PTPRN2: variants seen among roughly 807,000 people sequenced by gnomAD.
The protein encoded by PTPRN2 is receptor-type tyrosine-protein phosphatase N2.
PTPRN2 carries 74 observed loss-of-function variants against 118.8 expected under a neutral mutation model. The ratio of observed to expected loss-of-function variants is 0.62; its 90% confidence interval spans 0.52 to 0.76. The LOEUF (loss-of-function observed/expected upper bound fraction) is 0.76, where lower values mean the gene tolerates loss of function less well. Ranked by LOEUF, PTPRN2 falls within the 30% of genes least tolerant of loss-of-function variation. The pLI is 0.00. For missense variants in PTPRN2, 1,481 were observed against 1,394.4 expected (o/e 1.06, Z -0.99); for synonymous variants, 641 against 608.0 (o/e 1.05, Z -0.80).
rs563602930 is a variant in PTPRN2, at chr7:157,980,964, C to T, written c.1724-82227G>A. On this transcript the variant is annotated intron_variant, in intron 11 of 22. Transcript: ENST00000389418. ...AGTAGCCAGTTCCCACCAAACCCCG[C>T]CTCCCACACGGGCTCTGGGGACAGG... 3.9e-5 allele frequency among the ~76,000 whole-genome samples: 6 copies of T among 152,148 alleles called. 1 individual carries two copies. The East Asian group carries it at 9.7e-4, about 25-fold the overall frequency.
intron 2 of PTPRN2, among the ~76,000 whole-genome samples, chr7:158,351,724 A>G (rs1295967301): frequency 6.6e-6 from 1 of 152,058 alleles, no homozygotes. Context: ...TCACGGCCCC[A>G]CGGGAGGAGC....
chr7:158,412,708 G>A (rs1256549736), intron 2 of PTPRN2, among the ~76,000 whole-genome samples: 10 of 111,980 alleles, frequency 8.9e-5, no homozygotes, highest in Admixed American at 9.6e-5. Context: ...ACCCTCCTCA[G>A]CTCCAGGGCC....
chr7:158,380,407 C>A (rs10237056), intron 2 of PTPRN2, among the ~76,000 whole-genome samples: 5 of 152,160 alleles, frequency 3.3e-5, no homozygotes, highest in Non-Finnish European at 5.9e-5. Context: ...ACAGGCCCCA[C>A]GCAAGTCTGA....
chr7:157,953,914 T>G lies in PTPRN2; in HGVS notation c.1724-55177A>C, dbSNP rs949772930. On this transcript the variant is annotated intron_variant, in intron 11 of 22. Coordinates refer to ENST00000389418, the MANE Select transcript of PTPRN2 (RefSeq NM_002847.5). This position sits in a 1 kb window ranked among gnomAD's most constrained non-coding sequence, Gnocchi z 4.6. The stretch of plus-strand genomic sequence containing the variant: ...TTCTCTCCTTTCCCTCACCATGGAA[T>G]GCACAAACGCTTGAAGATGCATGTG... Among the ~76,000 whole-genome samples, 3 of 152,212 alleles carry G rather than the reference T, an allele frequency of 2.0e-5. No individual in the cohort carries two copies. Among genetic ancestry groups the G allele is most frequent in the Non-Finnish European group, 4.4e-5 (3 of 68,038 alleles).
At chr7:158,398,491 G>A (rs879327676) in intron 2 of PTPRN2, among the ~76,000 whole-genome samples, 6 of 152,194 alleles carry the variant, frequency 3.9e-5, no homozygotes, top group Admixed American at 2.0e-4. Flanking sequence ...AAAGAACAAA[G>A]AAAACATACA....
chr7:158,246,401 C>T (rs1796251597), intron 3 of PTPRN2, among the ~76,000 whole-genome samples: 1 of 151,076 alleles, frequency 6.6e-6, no homozygotes, highest in African/African-American at 2.4e-5. Context: ...CGTCTCTCTA[C>T]CAAGAAGGAA....
intron 12 of PTPRN2, among the ~76,000 whole-genome samples, chr7:157,717,770 C>T (rs963197666): frequency 2.6e-5 from 4 of 152,248 alleles, no homozygotes; most frequent in South Asian, 2.1e-4. Flanking sequence ...CCAGCACCTG[C>T]GCCCCATCCC....
chr7:158,224,729 G>T (rs1170712582), intron 3 of PTPRN2, among the ~76,000 whole-genome samples: 1 of 152,162 alleles, frequency 6.6e-6, no homozygotes, highest in African/African-American at 2.4e-5. Context: ...TGACAAATTG[G>T]CCTTCATCAA....
At chr7:157,573,910 A>C (rs1799882954) in intron 19 of PTPRN2, among the ~76,000 whole-genome samples, 1 of 152,192 alleles carries the variant, frequency 6.6e-6, no homozygotes, top group African/African-American at 2.4e-5. Flanking sequence ...CGGGCAGTCA[A>C]GGACATGTGC....
chr7:158,088,381 T>C (rs199511741), intron 10 of PTPRN2, among the ~76,000 whole-genome samples: 6 of 23,966 alleles, frequency 2.5e-4, no homozygotes, highest in Admixed American at 4.4e-4. Context: ...CAAACCCTTC[T>C]TCCCCTGATG....
Position 157,603,986 on chromosome 7 carries a change from C to T in PTPRN2, c.2418+16G>A, listed in dbSNP as rs1323752849. The T allele has an allele frequency of 1.2e-6, 2 of 1,612,546 alleles. No homozygotes were observed. The highest frequency in any genetic ancestry group is 1.3e-5 in the African/African-American group (1 of 74,872). On this transcript the variant is annotated intron_variant, in intron 16 of 22. Coordinates refer to ENST00000389418, the MANE Select transcript of PTPRN2 (RefSeq NM_002847.5). The surrounding 1 kb of genome is among the most constrained non-coding windows in gnomAD (Gnocchi z 5.4). ...CAAGGGAAAGCCTGGGGCCCCTGTC[C>T]CGGCAGTGCACTTACGATGGGGCTA...
intron 12 of PTPRN2, among the ~76,000 whole-genome samples, chr7:157,852,844 G>C (rs893977929): frequency 7.6e-6 from 1 of 130,886 alleles, no homozygotes; most frequent in Non-Finnish European, 1.6e-5. Flanking sequence ...ACTCCAGCTC[G>C]GCAACACAGC....
chr7:158,550,889 C>A (rs893080068), intron 1 of PTPRN2, among the ~76,000 whole-genome samples: 1 of 152,210 alleles, frequency 6.6e-6, no homozygotes, highest in African/African-American at 2.4e-5. Context: ...GTCGCGCTTC[C>A]CTTCACGCTT....
chr7:158,586,945 G>A (rs544697795), intron 1 of PTPRN2, among the ~76,000 whole-genome samples: 11 of 152,122 alleles, frequency 7.2e-5, no homozygotes, highest in African/African-American at 2.2e-4. Context: ...GGTAGAGGCA[G>A]GAGGCGGCGC....
chr7:158,502,500 C>A (rs1476617664), intron 1 of PTPRN2, among the ~76,000 whole-genome samples: 1 of 152,284 alleles, frequency 6.6e-6, no homozygotes, highest in East Asian at 1.9e-4. Context: ...CACAGCCACC[C>A]CTCAGGGGTC....
rs140717064 is a variant in PTPRN2, at chr7:158,566,215, G to A, written c.112+21343C>T. ...TAAAAATACAAAAAATTAACTGGGC[G>A]TGGTGGCGGGCACCTGTTATCCCAG... On this transcript the variant is annotated intron_variant, in intron 1 of 22. Coordinates refer to ENST00000389418, the MANE Select transcript of PTPRN2 (RefSeq NM_002847.5). Among the ~76,000 whole-genome samples, 627 of 152,222 alleles carry A rather than the reference G, an allele frequency of 4.1e-3. 2 individuals carry two copies. The highest frequency in any genetic ancestry group is 0.014 in the African/African-American group (597 of 41,526).
chr7:157,621,473 G>A lies in PTPRN2; in HGVS notation c.2233C>T (p.Leu745=), dbSNP rs753642966. 4.3e-6 allele frequency: 7 copies of A among 1,613,780 alleles called. No individual in the cohort carries two copies. The highest frequency in any genetic ancestry group is 1.1e-5 in the South Asian group (1 of 91,082). The change falls in exon 15 of 23, where the codon CTG becomes TTG. Residue 745 remains leucine, a synonymous_variant. Coordinates refer to ENST00000389418, the MANE Select transcript of PTPRN2 (RefSeq NM_002847.5). ...CACAGCGCTTCCCACTCCTTCTCCA[G>A]CCGGTTCTTGTTCTTCAGGTGGTCC... is the stretch of plus-strand genomic sequence containing the variant. ...MEDHLKNKNR[L]EKEWEALCAY...
intron 1 of PTPRN2, among the ~76,000 whole-genome samples, chr7:158,548,991 G>A (rs974669189): frequency 1.3e-5 from 2 of 152,176 alleles, no homozygotes; most frequent in South Asian, 2.1e-4. Context: ...CCCGGCCCCC[G>A]CTTGAGTTGG....
At position 157,615,335 on chromosome 7, in the gene PTPRN2, G is replaced by C. The variant is rs533807163; in HGVS notation, c.2344+6027C>G. Reference sequence around the variant, plus strand: ...GCGGCTGGGTCTGCGCTGGGGTAGTGTAGGCTGCACTCTCCGGGGAGCCGC... The same window carrying C: ...GCGGCTGGGTCTGCGCTGGGGTAGTCTAGGCTGCACTCTCCGGGGAGCCGC... On this transcript the variant is annotated intron_variant, in intron 15 of 22. Transcript: ENST00000389418. The surrounding 1 kb of genome is among the most constrained non-coding windows in gnomAD (Gnocchi z 4.3). 1 of 419,042 alleles carries C rather than the reference G, an allele frequency of 2.4e-6. No homozygotes were observed. The highest frequency in any genetic ancestry group is 2.0e-5 in the African/African-American group (1 of 49,242). The allele number at this position is 419,042 out of a possible 1,614,324, so 26.0% of individuals were successfully genotyped here. A position where few individuals can be genotyped will look rare whatever the true frequency, so the allele number is the denominator to read the frequency against.
Sources: gnomAD v4.1 joint callset for allele counts (sites outside exome capture counted in the v4.1 genomes callset) on GRCh38, gnomAD v4.1.1 for gene constraint, Gnocchi (gnomAD v3.1) non-coding constraint, MANE v1.5 for transcripts, NCBI Gene and HGNC (gene_info 2026-07-23, HGNC 2026-07-21) for gene names.